Variants in TMEM131 observed in about 807,000 individuals in gnomAD.
TMEM131 encodes 2610524E03Rik.
In TMEM131, 66 loss-of-function variants were observed where a neutral mutation model predicts 211.6. The ratio of observed to expected loss-of-function variants is 0.31; its 90% CI spans 0.26 to 0.38. TMEM131 has a LOEUF of 0.38. TMEM131 is among the 10% of genes least tolerant of loss of function. The pLI, the probability that TMEM131 is intolerant of heterozygous loss-of-function variation, is 1.00. For missense variants in TMEM131, 2,036 were observed against 2,299.3 expected, an observed-to-expected ratio of 0.89 and a Z score of 2.34; for synonymous variants, 844 against 841.3, an observed-to-expected ratio of 1.00 and a Z score of -0.06.
At chr2:97,789,548 G>A (rs575459983) in intron 31 of TMEM131, among the ~76,000 whole-genome samples, 18 of 152,330 alleles carry the variant, frequency 1.2e-4, no homozygotes, top group Admixed American at 6.5e-4. Context: ...GTAAGGGAGC[G>A]GAGTCAAGAT....
chr2:97,772,544 A>T, intron 32 of TMEM131, 120 bp from the exon 33 acceptor site: 3 of 1,160,478 alleles, frequency 2.6e-6, no homozygotes, highest in Non-Finnish European at 3.6e-6. Context: ...ATACGTAAAA[A>T]CAAACTCGTT....
intron 31 of TMEM131, among the ~76,000 whole-genome samples, chr2:97,779,651 A>G (rs1679903176): frequency 6.6e-6 from 1 of 152,242 alleles, no homozygotes; most frequent in East Asian, 1.9e-4. Context: ...CTACAGAACC[A>G]GAACTCTGCG....
chr2:97,886,355 T>A (rs527969485), intron 4 of TMEM131, among the ~76,000 whole-genome samples: 1 of 152,232 alleles, frequency 6.6e-6, no homozygotes, highest in Non-Finnish European at 1.5e-5. Context: ...TGTCCCCATG[T>A]TGATTTCTAT....
At chr2:97,903,047 AAG>A (rs2104344742) in intron 3 of TMEM131, among the ~76,000 whole-genome samples, 1 of 152,290 alleles carries the variant, frequency 6.6e-6, no homozygotes, top group South Asian at 2.1e-4. Context: ...CTGTCCCTCT[AAG>A]AGAATCCTAA....
At chr2:97,963,851 A>T (rs1356835287) in intron 1 of TMEM131, among the ~76,000 whole-genome samples, 1 of 152,218 alleles carries the variant, frequency 6.6e-6, no homozygotes, top group Non-Finnish European at 1.5e-5. Context: ...ACATATTTTT[A>T]AAAGTTTTTC....
At chr2:97,824,001 G>A (rs530169279) in intron 11 of TMEM131, among the ~76,000 whole-genome samples, 22 of 152,308 alleles carry the variant, frequency 1.4e-4, no homozygotes, top group African/African-American at 4.8e-4. Context: ...AAGGAAAAGC[G>A]AGATCAGAGA....
At position 97,991,400 on chromosome 2, in the gene TMEM131, A is replaced by T. The variant is rs144075351; in HGVS notation, c.187+4076T>A. 1.4e-3 allele frequency among the ~76,000 whole-genome samples: 212 copies of T among 152,312 alleles called. 1 individual carries two copies. Among genetic ancestry groups the T allele is most frequent in the African/African-American group, 4.8e-3 (201 of 41,576 alleles). On this transcript the variant is annotated intron_variant, in intron 1 of 40. Transcript: ENST00000186436. Reference sequence around the variant, plus strand: ...AGTGCCCCATGGTGAAGGCAGTGGGAGAGTGATCAAAAGAGGATGTAACAG... The same window carrying T: ...AGTGCCCCATGGTGAAGGCAGTGGGTGAGTGATCAAAAGAGGATGTAACAG...
chr2:97,891,326 T>C (rs140362880), intron 3 of TMEM131, among the ~76,000 whole-genome samples: 1 of 152,262 alleles, frequency 6.6e-6, no homozygotes, highest in African/African-American at 2.4e-5. Context: ...CTCAAACTCC[T>C]GTGTTAGAGC....
chr2:97,835,131 G>T (rs1234407079), intron 8 of TMEM131, among the ~76,000 whole-genome samples: 2 of 152,198 alleles, frequency 1.3e-5, no homozygotes, highest in African/African-American at 4.8e-5. Flanking sequence ...GTTTAGAATT[G>T]ATGAAATACG....
At chr2:97,812,300 GTAAC>G in intron 17 of TMEM131, 117 bp downstream of exon 17, 1 of 1,138,490 alleles carries the variant, frequency 8.8e-7, no homozygotes, top group Non-Finnish European at 1.2e-6. Context: ...TTAATAGCAA[GTAAC>G]CAACACTATT....
intron 4 of TMEM131, among the ~76,000 whole-genome samples, chr2:97,875,787 A>G (rs968144454): frequency 2.6e-5 from 4 of 152,164 alleles, no homozygotes; most frequent in Non-Finnish European, 4.4e-5. Flanking sequence ...AATCGAAAAC[A>G]TAACTTCAAA....
chr2:97,967,181 TGACTG>T (rs1679098269), intron 1 of TMEM131, among the ~76,000 whole-genome samples: 9 of 152,232 alleles, frequency 5.9e-5, no homozygotes, highest in Admixed American at 5.9e-4. Context: ...TTTCATAAGC[TGACTG>T]ATACACAGGT....
chr2:97,866,049 A>T (rs1207175633), intron 4 of TMEM131, among the ~76,000 whole-genome samples: 1 of 151,868 alleles, frequency 6.6e-6, no homozygotes, highest in Non-Finnish European at 1.5e-5. Flanking sequence ...CGCCTGGCTA[A>T]TTTTTGTTGT....
intron 3 of TMEM131, among the ~76,000 whole-genome samples, chr2:97,901,894 T>A (rs1488062338): frequency 6.6e-6 from 1 of 151,960 alleles, no homozygotes; most frequent in Non-Finnish European, 1.5e-5. Flanking sequence ...CAGGGCAGAG[T>A]GACTATAGTT....
At chr2:97,994,175 A>G (rs1680385336) in intron 1 of TMEM131, among the ~76,000 whole-genome samples, 1 of 152,258 alleles carries the variant, frequency 6.6e-6, no homozygotes, top group Non-Finnish European at 1.5e-5. Context: ...GATCACACAT[A>G]AGAAAGAACA....
At position 97,818,838 on chromosome 2, in the gene TMEM131, T is replaced by C. The variant is rs530564659; in HGVS notation, c.1075-117A>G. The C allele has an allele frequency of 1.6e-5, 10 of 625,780 alleles. No individual in the cohort carries two copies. The East Asian group carries it at 2.8e-4, about 17-fold the overall frequency. 38.8% of individuals were successfully genotyped at this position (625,780 alleles called of 1,614,324 possible). A position where few individuals can be genotyped will look rare whatever the true frequency, so the allele number is the denominator to read the frequency against. ...AAAGTGGACTCTAAATTTGAAAAGT[T>C]TAACTTATGTTGTCCCTTTAAATGG... On this transcript the variant is annotated intron_variant, in intron 11 of 40. Transcript: ENST00000186436.
chr2:97,952,034 G>C (rs908880214), intron 1 of TMEM131, among the ~76,000 whole-genome samples: 2 of 152,018 alleles, frequency 1.3e-5, no homozygotes, highest in African/African-American at 4.8e-5. Flanking sequence ...GCGCACGCCT[G>C]TAATCCCAGC....
chr2:97,785,855 G>T (rs1012098148), intron 31 of TMEM131, among the ~76,000 whole-genome samples: 5 of 152,328 alleles, frequency 3.3e-5, no homozygotes, highest in South Asian at 2.1e-4. Flanking sequence ...ACGCACTGGT[G>T]AATCTCCAGA....
At chr2:97,765,488 C>T (rs1679116472) in intron 35 of TMEM131, among the ~76,000 whole-genome samples, 1 of 152,212 alleles carries the variant, frequency 6.6e-6, no homozygotes, top group Admixed American at 6.5e-5. Flanking sequence ...CTCTTGATCT[C>T]AAATCCCTGC....
Sources: gnomAD v4.1 joint callset for allele counts (sites outside exome capture counted in the v4.1 genomes callset) on GRCh38, gnomAD v4.1.1 for gene constraint, MANE v1.5 for transcripts, NCBI Gene and HGNC (gene_info 2026-07-23, HGNC 2026-07-21) for gene names.